FAM222A: variants seen among roughly 807,000 people sequenced by gnomAD.
The protein encoded by FAM222A is protein FAM222A.
In FAM222A, 7 loss-of-function variants were observed where a neutral mutation model predicts 25.8. The ratio of observed to expected loss-of-function variants is 0.27; its 90% confidence interval spans 0.15 to 0.51. FAM222A has a LOEUF of 0.51. Among genes scored for constraint, FAM222A ranks in the 20% least tolerant of loss-of-function variants. The pLI is 0.97. For missense variants in FAM222A, 573 were observed against 640.5 expected (o/e 0.89, Z 1.14); for synonymous variants, 294 against 298.8 (o/e 0.98, Z 0.17).
rs181094600 is a variant in FAM222A at position 109,766,425 on chromosome 12, G to A, written c.83-1587G>A. On this transcript the variant is annotated intron_variant, in intron 2 of 2. Transcript: ENST00000538780. ...CACAGAGCGTACCCTTCAGCCCCAT[G>A]CAGGCGGCTCACTAAAAAGGCAGCA... is the stretch of plus-strand genomic sequence containing the variant. Among the ~76,000 whole-genome samples, 23 of 152,374 alleles carry A rather than the reference G, an allele frequency of 1.5e-4. No individual in the cohort carries two copies. In the East Asian group the frequency reaches 3.5e-3, roughly 23 times the overall value.
At position 109,768,721 on chromosome 12, in the gene FAM222A, C is replaced by T; in HGVS notation, c.792C>T (p.Thr264=). The T allele has an allele frequency of 6.3e-7, 1 of 1,579,654 alleles. No homozygotes were observed. Among genetic ancestry groups the T allele is most frequent in the Non-Finnish European group, 8.6e-7 (1 of 1,167,670 alleles). The change falls in exon 3 of 3, where the codon ACC becomes ACT. Residue 264 remains threonine (T), a synonymous_variant. Transcript: ENST00000538780. The stretch of plus-strand genomic sequence containing the variant: ...GCACTGAGCTGGGCCAGGGAGCCAC[C>T]CAAGCCTTGACGTTGGCTGGGGCCG... ...RKGTELGQGA[T]QALTLAGAAK...
Position 109,768,461 on chromosome 12 carries a change from G to A in FAM222A, c.532G>A (p.Ala178Thr). 6.2e-7 allele frequency: 1 copy of A among 1,602,050 alleles called. No individual in the cohort carries two copies. The highest frequency in any genetic ancestry group is 1.1e-5 in the South Asian group (1 of 90,968). The change falls in exon 3 of 3, where the codon GCC becomes ACC. Residue 178 changes from alanine (A) to threonine (T), a missense_variant. Ala to Thr is a moderately conservative substitution (Grantham distance 58). Transcript: ENST00000538780. ...PPPGLPAAATAASVIPLPGRG... is the reference protein window; with the variant it reads ...PPPGLPAAATTASVIPLPGRG... ...ACCCGGCCTGCCCGCAGCCGCCACT[G>A]CCGCCTCCGTCATCCCCCTGCCGGG...
Position 109,768,326 on chromosome 12 carries a change from C to T in FAM222A, c.397C>T (p.Arg133Trp), listed in dbSNP as rs1210060133. 7 of 1,601,210 alleles carry T rather than the reference C, an allele frequency of 4.4e-6. No homozygotes were observed. Among genetic ancestry groups the T allele is most frequent in the Admixed American group, 1.7e-5 (1 of 58,766 alleles). ...TGTGCTCAAGAGCGCCGAGGGCAAG[C>T]GGACCAAGCTGTCACCGGCCGCCGT... Reference protein sequence around the residue: ...KSVLKSAEGKRTKLSPAAVQV... With the variant: ...KSVLKSAEGKWTKLSPAAVQV... Residue 133 changes from arginine (R) to tryptophan (W), a missense_variant, in exon 3 of 3, where the codon CGG becomes TGG. Arg to Trp is a moderately radical substitution (Grantham distance 101). Around this residue, in one of 3 missense-constraint regions of FAM222A, gnomAD observed 412 missense variants for 407.0 expected, o/e 1.01. Transcript: ENST00000538780.
chr12:109,758,402 G>A lies in FAM222A; in HGVS notation c.83-9610G>A, dbSNP rs537498268. ...TTCATCTCCATTCCCCTGCCCTCAC[G>A]GGAAACAGACATCAGGAGAGCTGCA... On this transcript the variant is annotated intron_variant, in intron 2 of 2. Transcript: ENST00000538780. Among the ~76,000 whole-genome samples the A allele has an allele frequency of 1.1e-3, 165 of 152,266 alleles. 1 individual carries two copies. Among genetic ancestry groups the A allele is most frequent in the African/African-American group, 3.7e-3 (155 of 41,532 alleles).
intron 1 of FAM222A, among the ~76,000 whole-genome samples, chr12:109,738,839 G>A (rs1888155174): frequency 6.6e-6 from 1 of 152,208 alleles, no homozygotes. Flanking sequence ...CATACTATCA[G>A]CTGGTCCACT....
intron 1 of FAM222A, among the ~76,000 whole-genome samples, chr12:109,719,088 C>T (rs890980006): frequency 1.3e-5 from 2 of 152,226 alleles, no homozygotes; most frequent in Non-Finnish European, 1.5e-5. Flanking sequence ...AGCCAATGTG[C>T]AGCCACCATC....
chr12:109,765,864 A>G (rs1224827987), intron 2 of FAM222A, among the ~76,000 whole-genome samples: 1 of 152,188 alleles, frequency 6.6e-6, no homozygotes, highest in African/African-American at 2.4e-5. Context: ...CTCTGGGCAG[A>G]TGGGGAAGGT....
chr12:109,729,529 G>A (rs1887904029), intron 1 of FAM222A, among the ~76,000 whole-genome samples: 1 of 152,224 alleles, frequency 6.6e-6, no homozygotes, highest in South Asian at 2.1e-4. Flanking sequence ...GCTATAATCA[G>A]CAGCCTCGCC....
Position 109,769,884 on chromosome 12 carries a change from C to T in FAM222A, c.*596C>T, listed in dbSNP as rs909481077. 6.5e-6 allele frequency: 1 copy of T among 153,910 alleles called. No homozygotes were observed. Among genetic ancestry groups the T allele is most frequent in the African/African-American group, 2.4e-5 (1 of 41,394 alleles). The allele number at this position is 153,910 out of a possible 1,614,324, so 9.5% of individuals were successfully genotyped here. ...TCCTCCTTCCCCTACCCCCACCATT[C>T]CTTCCTAACACAGAGTTGCACCCCC... On this transcript the variant is annotated 3_prime_UTR_variant, in exon 3 of 3. Coordinates refer to ENST00000538780, the MANE Select transcript of FAM222A (RefSeq NM_032829.3).
chr12:109,756,329 T>C (rs1456862181), intron 2 of FAM222A, among the ~76,000 whole-genome samples: 2 of 152,088 alleles, frequency 1.3e-5, no homozygotes, highest in Non-Finnish European at 2.9e-5. Flanking sequence ...TCTCAGGATA[T>C]CCTGTATACA....
At chr12:109,766,051 A>G (rs1889040044) in intron 2 of FAM222A, among the ~76,000 whole-genome samples, 1 of 152,152 alleles carries the variant, frequency 6.6e-6, no homozygotes, top group Non-Finnish European at 1.5e-5. Context: ...CCTGAAAGTA[A>G]TGAGCTCCAA....
chr12:109,727,309 G>A (rs376555570), intron 1 of FAM222A, among the ~76,000 whole-genome samples: 4 of 152,226 alleles, frequency 2.6e-5, no homozygotes, highest in African/African-American at 9.6e-5. Flanking sequence ...GCCCTTTTGT[G>A]TGCCTCTCGG....
chr12:109,717,561 G>T (rs1887667413), intron 1 of FAM222A, among the ~76,000 whole-genome samples: 1 of 152,208 alleles, frequency 6.6e-6, no homozygotes, highest in Non-Finnish European at 1.5e-5. Context: ...TGGCCCTGGA[G>T]CAGCCAGTGA....
At chr12:109,739,203 T>C (rs1888168069) in intron 1 of FAM222A, among the ~76,000 whole-genome samples, 2 of 152,246 alleles carry the variant, frequency 1.3e-5, no homozygotes, top group African/African-American at 4.8e-5. Flanking sequence ...GTCCTCCTCC[T>C]ATTCTGCCTT....
chr12:109,729,629 A>C lies in FAM222A; in HGVS notation c.-46-14472A>C, dbSNP rs376068868. ...ATGTTTGCATAGAAGCCGCTGCAGC[A>C]ACACACACAGACGCGCGCACGCATG... On this transcript the variant is annotated intron_variant, in intron 1 of 2. Transcript: ENST00000538780. 1.8e-4 allele frequency among the ~76,000 whole-genome samples: 28 copies of C among 152,388 alleles called. No homozygotes were observed. The East Asian group carries it at 3.9e-3, about 21-fold the overall frequency.
chr12:109,725,731 C>T (rs528983838), intron 1 of FAM222A, among the ~76,000 whole-genome samples: 16 of 151,692 alleles, frequency 1.1e-4, no homozygotes, highest in South Asian at 2.1e-4. Flanking sequence ...AAATGTCAGG[C>T]GCCAAGTTGT....
At chr12:109,758,079 C>A (rs553298417) in intron 2 of FAM222A, among the ~76,000 whole-genome samples, 1 of 152,184 alleles carries the variant, frequency 6.6e-6, no homozygotes, top group Non-Finnish European at 1.5e-5. Context: ...CCACCTTGGC[C>A]GCTCCAGGGC....
At chr12:109,749,398 G>A (rs532100700) in intron 2 of FAM222A, among the ~76,000 whole-genome samples, 6 of 152,268 alleles carry the variant, frequency 3.9e-5, no homozygotes, top group South Asian at 2.1e-4. Context: ...GAGCCACCAC[G>A]CCCAGCCTTG....
chr12:109,743,880 C>G (rs1231298302), intron 1 of FAM222A: 43 of 985,296 alleles, frequency 4.4e-5, no homozygotes, highest in Non-Finnish European at 4.9e-5. Context: ...AGTCCAGCCC[C>G]CACTCAAGAG....
Sources: allele counts gnomAD v4.1 joint callset (sites outside exome capture counted in the v4.1 genomes callset), GRCh38; gene constraint gnomAD v4.1.1; regional missense constraint gnomAD v4.1.1; transcripts MANE v1.5; gene names NCBI Gene and HGNC (gene_info 2026-07-23, HGNC 2026-07-21).